The following RBFOX1 variants were observed in gnomAD, a reference collection of about 807,000 sequenced individuals.
RBFOX1 encodes the protein RNA binding protein fox-1 homolog 1.
Under a neutral mutation model 57.7 loss-of-function variants are expected in RBFOX1, and 8 were observed. The ratio of observed to expected loss-of-function variants is 0.14; its 90% CI spans 0.08 to 0.25. The LOEUF (loss-of-function observed/expected upper bound fraction) is 0.25. Ranked by LOEUF, RBFOX1 falls within the 10% of genes least tolerant of loss-of-function variation. The pLI is 1.00. For synonymous variants in RBFOX1, 326 were observed against 222.4 expected, an observed-to-expected ratio of 1.47 and a Z score of -4.15; for missense variants, 611 against 548.5, an observed-to-expected ratio of 1.11 and a Z score of -1.14.
At chr16:6,167,768 G>A (rs1318188311) in intron 1 of RBFOX1, among the ~76,000 whole-genome samples, 1 of 152,142 alleles carries the variant, frequency 6.6e-6, no homozygotes, top group East Asian at 1.9e-4. Context: ...GGGCCTCAGA[G>A]TGGGCATTGT....
intron 2 of RBFOX1, among the ~76,000 whole-genome samples, chr16:6,554,033 TATGAATGA>T (rs34641433): frequency 7.2e-5 from 11 of 151,922 alleles, no homozygotes; most frequent in East Asian, 5.8e-4. Context: ...GTTTTGAAAG[TATGAATGA>T]ATGAATGAAT....
intron 1 of RBFOX1, among the ~76,000 whole-genome samples, chr16:6,304,358 C>T (rs1254462378): frequency 1.3e-5 from 2 of 152,158 alleles, no homozygotes; most frequent in East Asian, 3.9e-4. Flanking sequence ...TATCCTGGCT[C>T]TATAAATCTG....
At chr16:6,803,610 G>A (rs573256444) in intron 3 of RBFOX1, among the ~76,000 whole-genome samples, 3 of 152,114 alleles carry the variant, frequency 2.0e-5, no homozygotes, top group African/African-American at 7.2e-5. Flanking sequence ...GAAGGAAACA[G>A]GATTCCTAAA....
intron 3 of RBFOX1, among the ~76,000 whole-genome samples, chr16:6,869,896 A>G (rs891670036): frequency 2.6e-5 from 4 of 152,168 alleles, no homozygotes; most frequent in Non-Finnish European, 5.9e-5. Flanking sequence ...CCCGCAGTAA[A>G]AGCAATTCAA....
At chr16:7,048,252 G>A (rs534497849) in intron 3 of RBFOX1, among the ~76,000 whole-genome samples, 2 of 150,770 alleles carry the variant, frequency 1.3e-5, no homozygotes, top group Non-Finnish European at 3.0e-5. Flanking sequence ...TGATTTTTTT[G>A]TTTTGTTTTG....
intron 2 of RBFOX1, among the ~76,000 whole-genome samples, chr16:6,631,026 G>A (rs1044391944): frequency 2.0e-5 from 3 of 152,090 alleles, no homozygotes; most frequent in Non-Finnish European, 4.4e-5. Context: ...CAACCCAGCT[G>A]GAAATAAGCA....
intron 2 of RBFOX1, among the ~76,000 whole-genome samples, chr16:5,479,202 C>T (rs2069434554): frequency 6.6e-6 from 1 of 152,128 alleles, no homozygotes; most frequent in Admixed American, 6.5e-5. Context: ...GTTTGATTTC[C>T]TTCATGGCCC....
chr16:7,541,660 T>G (rs1159069018), intron 5 of RBFOX1, among the ~76,000 whole-genome samples: 1 of 150,918 alleles, frequency 6.6e-6, no homozygotes, highest in Non-Finnish European at 1.5e-5. Flanking sequence ...TTAAAAATGT[T>G]TCGGGAAAGC....
intron 2 of RBFOX1, among the ~76,000 whole-genome samples, chr16:5,488,207 G>A (rs111163816): frequency 1.6e-5 from 1 of 61,262 alleles, no homozygotes; most frequent in Non-Finnish European, 4.3e-5. Context: ...GATGATGATG[G>A]TGGAAGATGA....
chr16:6,596,657 G>GT (rs2097779438), intron 2 of RBFOX1, among the ~76,000 whole-genome samples: 1 of 144,894 alleles, frequency 6.9e-6, no homozygotes, highest in South Asian at 2.1e-4. Flanking sequence ...TTCATATGTT[G>GT]TATATATGTG....
At chr16:6,128,496 C>T (rs1337795974) in intron 1 of RBFOX1, among the ~76,000 whole-genome samples, 1 of 152,180 alleles carries the variant, frequency 6.6e-6, no homozygotes, top group African/African-American at 2.4e-5. Flanking sequence ...CTCATGAAAG[C>T]TCTGGCTTTC....
intron 3 of RBFOX1, chr16:5,610,440 G>A (rs2047736228): frequency 6.6e-6 from 1 of 152,244 alleles, no homozygotes; most frequent in Non-Finnish European, 1.5e-5. Context: ...GCTAGGAAAG[G>A]GAACAGGGAC....
At chr16:6,212,598 T>C (rs932359476) in intron 1 of RBFOX1, among the ~76,000 whole-genome samples, 6 of 152,138 alleles carry the variant, frequency 3.9e-5, no homozygotes, top group African/African-American at 7.2e-5. Context: ...TCCCAGCTAC[T>C]TGGGAGGCTG....
At chr16:7,160,899 T>C (rs887881951) in intron 4 of RBFOX1, among the ~76,000 whole-genome samples, 1 of 151,012 alleles carries the variant, frequency 6.6e-6, no homozygotes, top group Admixed American at 6.6e-5. Context: ...CCAATTCAAC[T>C]CTAACTTCTT....
intron 4 of RBFOX1, among the ~76,000 whole-genome samples, chr16:7,129,199 T>C (rs1248151478): frequency 6.6e-6 from 1 of 152,180 alleles, no homozygotes; most frequent in East Asian, 1.9e-4. Flanking sequence ...GTACAAGTTC[T>C]TCCTCATTGC....
At chr16:7,619,139 A>C (rs1428222774) in intron 10 of RBFOX1, among the ~76,000 whole-genome samples, 1 of 152,216 alleles carries the variant, frequency 6.6e-6, no homozygotes, top group South Asian at 2.1e-4. Context: ...TGCAAAGGTT[A>C]ATCGATGCAC....
At chr16:6,128,328 T>C (rs2096604814) in intron 1 of RBFOX1, among the ~76,000 whole-genome samples, 1 of 152,190 alleles carries the variant, frequency 6.6e-6, no homozygotes, top group Non-Finnish European at 1.5e-5. Flanking sequence ...TTTACCCTAT[T>C]ACTCTAAGAA....
intron 4 of RBFOX1, among the ~76,000 whole-genome samples, chr16:7,472,257 G>C (rs867879254): frequency 2.0e-5 from 3 of 151,666 alleles, no homozygotes; most frequent in Non-Finnish European, 4.4e-5. Context: ...AAGGTGGCTA[G>C]GGCTTTATAA....
At chr16:6,697,234 C>T (rs2061188036) in intron 3 of RBFOX1, among the ~76,000 whole-genome samples, 1 of 152,082 alleles carries the variant, frequency 6.6e-6, no homozygotes, top group Admixed American at 6.5e-5. Context: ...GTGGTAGCTG[C>T]AGTAGTGGAC....
Sources: allele counts gnomAD v4.1 joint callset (sites outside exome capture counted in the v4.1 genomes callset), GRCh38; gene constraint gnomAD v4.1.1; transcripts MANE v1.5; gene names NCBI Gene and HGNC (gene_info 2026-07-23, HGNC 2026-07-21).